TSPAN5: variants seen among roughly 807,000 people sequenced by gnomAD.
The protein encoded by TSPAN5 is tetraspanin 5, also known as tetraspanin-5.
Under a neutral mutation model 37.1 loss-of-function variants are expected in TSPAN5, and 10 were observed. The ratio of observed to expected loss-of-function variants is 0.27; its 90% CI spans 0.17 to 0.46. The LOEUF is 0.46. Ranked by LOEUF, TSPAN5 falls within the 20% of genes least tolerant of loss-of-function variation. The probability of loss-of-function intolerance (pLI) is 1.00; values close to 1 mark genes in which losing one functional copy is unlikely to be tolerated. For missense variants in TSPAN5, 195 were observed against 326.6 expected, an observed-to-expected ratio of 0.60 and a Z score of 3.11; for synonymous variants, 110 against 118.9, an observed-to-expected ratio of 0.93 and a Z score of 0.48.
chr4:98,550,739 C>T (rs1754597408), intron 1 of TSPAN5, among the ~76,000 whole-genome samples: 1 of 151,822 alleles, frequency 6.6e-6, no homozygotes, highest in African/African-American at 2.4e-5. Flanking sequence ...TATCCTGAAA[C>T]CTTACTGAAT....
intron 1 of TSPAN5, among the ~76,000 whole-genome samples, chr4:98,537,013 C>T (rs1389403433): frequency 6.6e-6 from 1 of 152,174 alleles, no homozygotes; most frequent in Non-Finnish European, 1.5e-5. Flanking sequence ...GAATGGTTGT[C>T]TCGTTGGCGT....
At chr4:98,613,150 T>C (rs1490446225) in intron 1 of TSPAN5, among the ~76,000 whole-genome samples, 3 of 152,028 alleles carry the variant, frequency 2.0e-5, no homozygotes, top group Non-Finnish European at 2.9e-5. Flanking sequence ...TTTTTTTTTT[T>C]TTTAATTCCA....
chr4:98,561,118 G>C lies in TSPAN5; in HGVS notation c.82-53390C>G, dbSNP rs189637491. On this transcript the variant is annotated intron_variant, in intron 1 of 7. Transcript: ENST00000305798. ...TCTTTACCAATGGACTGTGAGAGAA[G>C]TGGTAGGTGTCACTTCTGAGGCAAG... Among the ~76,000 whole-genome samples, 24 of 152,354 alleles carry C rather than the reference G, an allele frequency of 1.6e-4. No homozygotes were observed. In the East Asian group the frequency reaches 4.6e-3, roughly 29 times the overall value.
chr4:98,654,156 A>G (rs1757252420), intron 1 of TSPAN5, among the ~76,000 whole-genome samples: 1 of 152,192 alleles, frequency 6.6e-6, no homozygotes, highest in Non-Finnish European at 1.5e-5. Context: ...GGTAAGTCCA[A>G]CTCCAACTAC....
chr4:98,473,483 C>A (rs917618588), intron 7 of TSPAN5, among the ~76,000 whole-genome samples: 1 of 142,918 alleles, frequency 7.0e-6, no homozygotes, highest in Non-Finnish European at 1.5e-5. Flanking sequence ...GACGGAGTCT[C>A]GCTCTGTCGC....
chr4:98,655,388 GAAC>G (rs1439021412), intron 1 of TSPAN5, among the ~76,000 whole-genome samples: 2 of 152,130 alleles, frequency 1.3e-5, no homozygotes, highest in African/African-American at 4.8e-5. Context: ...GAACTAGAAA[GAAC>G]GTTATAACTC....
chr4:98,492,140 C>A (rs1210796923), intron 2 of TSPAN5, among the ~76,000 whole-genome samples: 2 of 152,152 alleles, frequency 1.3e-5, no homozygotes, highest in Non-Finnish European at 2.9e-5. Context: ...CTCATACAAT[C>A]CTGCTGGCCT....
At chr4:98,532,134 ATGCCTATGTCC>A (rs1239608878) in intron 1 of TSPAN5, among the ~76,000 whole-genome samples, 5 of 152,208 alleles carry the variant, frequency 3.3e-5, no homozygotes, top group Admixed American at 3.3e-4. Context: ...GTCTTTGCCC[ATGCCTATGTCC>A]TGAATGGTAC....
chr4:98,514,152 C>A (rs1753678225), intron 1 of TSPAN5, among the ~76,000 whole-genome samples: 2 of 152,100 alleles, frequency 1.3e-5, no homozygotes, highest in Non-Finnish European at 2.9e-5. Flanking sequence ...CTGATGAAGT[C>A]TTTAAGAAAA....
chr4:98,644,529 T>C (rs577474416), intron 1 of TSPAN5, among the ~76,000 whole-genome samples: 1 of 152,318 alleles, frequency 6.6e-6, no homozygotes, highest in South Asian at 2.1e-4. Context: ...TATTATACTT[T>C]AAGTTTTAGG....
chr4:98,538,919 G>C (rs1754297646), intron 1 of TSPAN5, among the ~76,000 whole-genome samples: 1 of 151,972 alleles, frequency 6.6e-6, no homozygotes, highest in Admixed American at 6.6e-5. Context: ...ACAGGTATGT[G>C]CTTTTCAAAA....
At chr4:98,656,950 A>G (rs1472783206) in intron 1 of TSPAN5, among the ~76,000 whole-genome samples, 1 of 152,196 alleles carries the variant, frequency 6.6e-6, no homozygotes, top group Non-Finnish European at 1.5e-5. Context: ...CCGTGTTCAG[A>G]CTGCTGTGGA....
rs564265200 is a variant in TSPAN5 at position 98,598,997 on chromosome 4, C to T, written c.81+59149G>A. On this transcript the variant is annotated intron_variant, in intron 1 of 7. Coordinates refer to ENST00000305798, the MANE Select transcript of TSPAN5 (RefSeq NM_005723.4). ...CAGGAAAATCCTGTTAAAACATACA[C>T]TTCAAAAAATCTCCAAGAGCTTTCT... 4.6e-5 allele frequency among the ~76,000 whole-genome samples: 7 copies of T among 152,268 alleles called. No homozygotes were observed. In the East Asian group the frequency reaches 1.2e-3, roughly 25 times the overall value.
At chr4:98,533,956 A>AAAAAAAAAAAAAAAAAAC (rs1560526836) in intron 1 of TSPAN5, among the ~76,000 whole-genome samples, 1 of 145,922 alleles carries the variant, frequency 6.9e-6, no homozygotes, top group Non-Finnish European at 1.5e-5. Flanking sequence ...AAAAAAAAAA[A>AAAAAAAAAAAAAAAAAAC]AAAAAACCAG....
chr4:98,526,895 A>G (rs1335730369), intron 1 of TSPAN5, among the ~76,000 whole-genome samples: 3 of 152,222 alleles, frequency 2.0e-5, no homozygotes, highest in Admixed American at 1.3e-4. Context: ...AGCCTCATGT[A>G]AATTGTATTG....
chr4:98,634,028 G>A (rs1259881406), intron 1 of TSPAN5, among the ~76,000 whole-genome samples: 1 of 151,620 alleles, frequency 6.6e-6, no homozygotes, highest in Non-Finnish European at 1.5e-5. Flanking sequence ...GCGGTGAGTG[G>A]AGATGGCACC....
chr4:98,622,796 A>G (rs1268140265), intron 1 of TSPAN5, among the ~76,000 whole-genome samples: 2 of 152,174 alleles, frequency 1.3e-5, no homozygotes, highest in Non-Finnish European at 2.9e-5. Context: ...GAGAAAGTGC[A>G]AAGTATAGAA....
At chr4:98,544,999 G>T (rs1256176237) in intron 1 of TSPAN5, among the ~76,000 whole-genome samples, 2 of 152,186 alleles carry the variant, frequency 1.3e-5, no homozygotes, top group African/African-American at 4.8e-5. Flanking sequence ...ACAGGGCTGA[G>T]CCTACAAGGC....
At chr4:98,522,674 C>A (rs1753880385) in intron 1 of TSPAN5, among the ~76,000 whole-genome samples, 1 of 152,178 alleles carries the variant, frequency 6.6e-6, no homozygotes, top group Non-Finnish European at 1.5e-5. Flanking sequence ...GGCACAGAGG[C>A]AATTAGTCCT....
Sources: allele counts gnomAD v4.1 joint callset (sites outside exome capture counted in the v4.1 genomes callset), GRCh38; gene constraint gnomAD v4.1.1; transcripts MANE v1.5; gene names NCBI Gene and HGNC (gene_info 2026-07-23, HGNC 2026-07-21).